The following POLR2H variants were observed in gnomAD, a reference collection of about 807,000 sequenced individuals.
POLR2H encodes the protein RNA polymerase II, I and III subunit H, also known as DNA-directed RNA polymerases I, II, and III subunit RPABC3.
A neutral mutation model predicts 18.1 loss-of-function variants in POLR2H; 3 were observed. The ratio of observed to expected loss-of-function variants is 0.17; its 90% CI spans 0.08 to 0.43. The LOEUF (loss-of-function observed/expected upper bound fraction) is 0.43. Among genes scored for constraint, POLR2H ranks in the 20% least tolerant of loss-of-function variants. The pLI, the probability that POLR2H is intolerant of heterozygous loss-of-function variation, is 0.99. For synonymous variants in POLR2H, 76 were observed against 69.0 expected, an observed-to-expected ratio of 1.10 and a Z score of -0.50; for missense variants, 103 against 184.6, an observed-to-expected ratio of 0.56 and a Z score of 2.56.
At chr3:184,363,876 C>T (rs1416846118) in intron 2 of POLR2H, among the ~76,000 whole-genome samples, 1 of 152,184 alleles carries the variant, frequency 6.6e-6, no homozygotes, top group Non-Finnish European at 1.5e-5. Flanking sequence ...CATGGTGAAA[C>T]CCCGTCTCTA....
Position 184,368,373 on chromosome 3 carries a change from C to T in POLR2H, c.*79C>T. 8.0e-7 allele frequency: 1 copy of T among 1,243,508 alleles called. No homozygotes were observed. The highest frequency in any genetic ancestry group is 2.4e-5 in the Admixed American group (1 of 41,700). 77.0% of individuals were successfully genotyped at this position (1,243,508 alleles called of 1,614,324 possible). A position where few individuals can be genotyped will look rare whatever the true frequency, so the allele number is the denominator to read the frequency against. On this transcript the variant is annotated 3_prime_UTR_variant, in exon 6 of 6. Transcript: ENST00000456318. ...CAAGCCTGAGTGGCAGCCGCTCTTG[C>T]TCACCTGTTGAGGAAGGGCTGGCTC...
At chr3:184,367,070 TAA>T (rs1026301187) in intron 5 of POLR2H, among the ~76,000 whole-genome samples, 5 of 149,776 alleles carry the variant, frequency 3.3e-5, no homozygotes, top group African/African-American at 1.3e-4. Flanking sequence ...AATGCAGCAT[TAA>T]GTGATTAGAC....
At chr3:184,367,641 C>T (rs1339004411) in intron 5 of POLR2H, among the ~76,000 whole-genome samples, 1 of 152,002 alleles carries the variant, frequency 6.6e-6, no homozygotes, top group East Asian at 1.9e-4. Flanking sequence ...CACCCACCAC[C>T]ATGCCTGGCT....
intron 5 of POLR2H, 32 bp from the exon 6 acceptor site, chr3:184,368,145 C>T: frequency 6.2e-7 from 1 of 1,613,784 alleles, no homozygotes; most frequent in African/African-American, 1.3e-5. Flanking sequence ...TGGCAGTGCT[C>T]CAGAATCACG....
In POLR2H at chr3:184,362,681, G is replaced by A. The variant is rs1712374215; in HGVS notation, c.-620-192G>A. The A allele has an allele frequency of 1.3e-5, 2 of 152,442 alleles. No homozygotes were observed. Among genetic ancestry groups the A allele is most frequent in the African/African-American group, 4.9e-5 (2 of 41,054 alleles). The allele number at this position is 152,442 out of a possible 1,614,324, so 9.4% of individuals were successfully genotyped here. Reference sequence around the variant, plus strand: ...GGGGCACGGAGGGGATCCGTGTCCAGGAGAAGGCAGTGGAGGGGGAACGCG... The same window carrying A: ...GGGGCACGGAGGGGATCCGTGTCCAAGAGAAGGCAGTGGAGGGGGAACGCG... On this transcript the variant is annotated intron_variant, in intron 1 of 5. Transcript: ENST00000456318. The surrounding 1 kb of genome is among the most constrained non-coding windows in gnomAD (Gnocchi z 5.9).
At chr3:184,365,757 A>G (rs1713137235) in intron 4 of POLR2H, among the ~76,000 whole-genome samples, 1 of 151,868 alleles carries the variant, frequency 6.6e-6, no homozygotes, top group Non-Finnish European at 1.5e-5. Flanking sequence ...GCGGATCACG[A>G]GGTCAGGAGA....
chr3:184,365,301 C>G, intron 4 of POLR2H, 75 bp downstream of exon 4: 4 of 912,148 alleles, frequency 4.4e-6, no homozygotes, highest in South Asian at 4.0e-5. Flanking sequence ...AAAGACTCTT[C>G]TAAAATTCCT....
chr3:184,368,189 G>A lies in POLR2H; in HGVS notation c.348G>A (p.Val116=). The A allele has an allele frequency of 6.2e-7, 1 of 1,614,152 alleles. No individual in the cohort carries two copies. Among genetic ancestry groups the A allele is most frequent in the Non-Finnish European group, 8.5e-7 (1 of 1,180,004 alleles). The change falls in exon 6 of 6, where the codon GTG becomes GTA. Residue 116 remains valine (V), a synonymous_variant. Coordinates refer to ENST00000456318, the MANE Select transcript of POLR2H (RefSeq NM_006232.5). The part of the protein sequence containing the change: ...TEAATRLSAY[V]SYGGLLMRLQ... Reference sequence around the variant, plus strand: ...CCTTCTGTTTCAGCTCTGCGTACGTGTCCTATGGGGGCCTGCTCATGAGGC... The same window carrying A: ...CCTTCTGTTTCAGCTCTGCGTACGTATCCTATGGGGGCCTGCTCATGAGGC...
At chr3:184,367,127 T>C (rs537391837) in intron 5 of POLR2H, among the ~76,000 whole-genome samples, 12 of 145,578 alleles carry the variant, frequency 8.2e-5, no homozygotes, top group Non-Finnish European at 1.8e-4. Flanking sequence ...TGTGTGTGTT[T>C]TGCTACTCTG....
In POLR2H at chr3:184,368,320, C is replaced by A; in HGVS notation, c.*26C>A. 6.4e-7 allele frequency: 1 copy of A among 1,551,872 alleles called. No homozygotes were observed. The highest frequency in any genetic ancestry group is 8.7e-7 in the Non-Finnish European group (1 of 1,145,020). On this transcript the variant is annotated 3_prime_UTR_variant, in exon 6 of 6. Transcript: ENST00000456318. Reference sequence around the variant, plus strand: ...ACCTCGCCTGAAGCCAGCCTCTCTGCCAAGTCACTCAGGTCATGGGCATTG... The same window carrying A: ...ACCTCGCCTGAAGCCAGCCTCTCTGACAAGTCACTCAGGTCATGGGCATTG...
rs1417709244 is a variant in POLR2H at position 184,368,409 on chromosome 3, G to A, written c.*115G>A. ...AGGAAGGGCTGGCTCACTGTCCACCGTGGCGGCATCTTTAACTGGCCTCCA... is the reference window on the plus strand; with the variant it reads ...AGGAAGGGCTGGCTCACTGTCCACCATGGCGGCATCTTTAACTGGCCTCCA... On this transcript the variant is annotated 3_prime_UTR_variant, in exon 6 of 6. Transcript: ENST00000456318. The A allele has an allele frequency of 2.3e-5, 19 of 815,906 alleles. No individual in the cohort carries two copies. The highest frequency in any genetic ancestry group is 3.2e-5 in the Non-Finnish European group (17 of 532,562). The allele number at this position is 815,906 out of a possible 1,614,324, so 50.5% of individuals were successfully genotyped here. A position where few individuals can be genotyped will look rare whatever the true frequency, so the allele number is the denominator to read the frequency against.
chr3:184,368,322 A>G lies in POLR2H; in HGVS notation c.*28A>G. On this transcript the variant is annotated 3_prime_UTR_variant, in exon 6 of 6. Transcript: ENST00000456318. Reference sequence around the variant, plus strand: ...CTCGCCTGAAGCCAGCCTCTCTGCCAAGTCACTCAGGTCATGGGCATTGTT... The same window carrying G: ...CTCGCCTGAAGCCAGCCTCTCTGCCGAGTCACTCAGGTCATGGGCATTGTT... 6.4e-7 allele frequency: 1 copy of G among 1,552,078 alleles called. No individual in the cohort carries two copies. The highest frequency in any genetic ancestry group is 1.2e-5 in the South Asian group (1 of 81,186).
chr3:184,366,816 T>C lies in POLR2H; in HGVS notation c.335+16T>C. The C allele has an allele frequency of 7.0e-7, 1 of 1,424,738 alleles. No homozygotes were observed. The highest frequency in any genetic ancestry group is 9.9e-7 in the Non-Finnish European group (1 of 1,007,250). 88.3% of individuals were successfully genotyped at this position (1,424,738 alleles called of 1,614,324 possible). ...CAACACGCCTGTAAGTTACGTAATC[T>C]TGTGAGGATTCTTTTCCTCTTCCAT... On this transcript the variant is annotated intron_variant, in intron 5 of 5. Coordinates refer to ENST00000456318, the MANE Select transcript of POLR2H (RefSeq NM_006232.5).
Position 184,368,443 on chromosome 3 carries a change from G to A in POLR2H, c.*149G>A, listed in dbSNP as rs1202075355. The stretch of plus-strand genomic sequence containing the variant: ...TCTTTAACTGGCCTCCACTCAATGG[G>A]AAACTGACTCGCCTGTGAAAGACAC... On this transcript the variant is annotated 3_prime_UTR_variant, in exon 6 of 6. Coordinates refer to ENST00000456318, the MANE Select transcript of POLR2H (RefSeq NM_006232.5). 1.8e-6 allele frequency: 1 copy of A among 551,194 alleles called. No homozygotes were observed. Among genetic ancestry groups the A allele is most frequent in the Non-Finnish European group, 3.2e-6 (1 of 317,238 alleles). 34.1% of individuals were successfully genotyped at this position (551,194 alleles called of 1,614,324 possible).
Position 184,368,401 on chromosome 3 carries a change from T to G in POLR2H, c.*107T>G, listed in dbSNP as rs1052603141. 1.1e-6 allele frequency: 1 copy of G among 901,686 alleles called. No homozygotes were observed. The highest frequency in any genetic ancestry group is 2.0e-5 in the South Asian group (1 of 51,274). The allele number at this position is 901,686 out of a possible 1,614,324, so 55.9% of individuals were successfully genotyped here. On this transcript the variant is annotated 3_prime_UTR_variant, in exon 6 of 6. Coordinates refer to ENST00000456318, the MANE Select transcript of POLR2H (RefSeq NM_006232.5). ...ACCTGTTGAGGAAGGGCTGGCTCACTGTCCACCGTGGCGGCATCTTTAACT... is the reference window on the plus strand; with the variant it reads ...ACCTGTTGAGGAAGGGCTGGCTCACGGTCCACCGTGGCGGCATCTTTAACT...
chr3:184,364,236 C>CT (rs138189083), intron 2 of POLR2H, among the ~76,000 whole-genome samples: 13,069 of 148,006 alleles, frequency 0.088, 643 homozygotes, highest in African/African-American at 0.14. Context: ...TGGTATATAC[C>CT]TTTTTTTTTT....
At chr3:184,365,390 G>A (rs1041943255) in intron 4 of POLR2H, 164 bp downstream of exon 4, 20 of 643,056 alleles carry the variant, frequency 3.1e-5, no homozygotes, top group Admixed American at 2.1e-4. Context: ...GCCAGGCACC[G>A]TGGCTCACAC....
chr3:184,367,664 G>GT (rs1401323206), intron 5 of POLR2H, among the ~76,000 whole-genome samples: 1 of 150,726 alleles, frequency 6.6e-6, no homozygotes, highest in East Asian at 1.9e-4. Flanking sequence ...TTTTTTTTTT[G>GT]TATTTTTAGT....
Position 184,363,396 on chromosome 3 carries a change from T to C in POLR2H, c.-97T>C. On this transcript the variant is annotated 5_prime_UTR_variant, in exon 2 of 6. Transcript: ENST00000456318. ...GGCCGCCGCGCTTTCAGGAGGTGCT[T>C]TTGGTTCTCTCCGGTCTTGTCCACG... 9.7e-7 allele frequency: 1 copy of C among 1,035,006 alleles called. No homozygotes were observed. The highest frequency in any genetic ancestry group is 1.6e-5 in the African/African-American group (1 of 64,312). 64.1% of individuals were successfully genotyped at this position (1,035,006 alleles called of 1,614,324 possible).
Sources: allele counts gnomAD v4.1 joint callset (sites outside exome capture counted in the v4.1 genomes callset), GRCh38; gene constraint gnomAD v4.1.1; non-coding constraint Gnocchi (gnomAD v3.1); transcripts MANE v1.5; gene names NCBI Gene and HGNC (gene_info 2026-07-23, HGNC 2026-07-21).